ASIC2: variants seen among roughly 807,000 people sequenced by gnomAD.
The protein encoded by ASIC2 is acid-sensing ion channel 2.
Under a neutral mutation model 57.3 loss-of-function variants are expected in ASIC2, and 25 were observed. That is an observed-to-expected ratio of 0.44 (90% CI 0.32 to 0.61). The LOEUF (loss-of-function observed/expected upper bound fraction) is 0.61, where lower values mean the gene tolerates loss of function less well. Among genes scored for constraint, ASIC2 ranks in the 20% least tolerant of loss-of-function variants. The pLI is 0.06. For missense variants in ASIC2, 641 were observed against 738.1 expected (o/e 0.87, Z 1.52); for synonymous variants, 319 against 307.5 (o/e 1.04, Z -0.39).
rs192133272 is a variant in ASIC2, at chr17:33,083,472, G to T, written c.987+5391C>A. On this transcript the variant is annotated intron_variant, in intron 3 of 9. Transcript: ENST00000225823. Reference sequence around the variant, plus strand: ...ATTTTTCCAGCACATTCAGTGCTCAGGGAATATTTGCTGAGGGAATAAATG... The same window carrying T: ...ATTTTTCCAGCACATTCAGTGCTCATGGAATATTTGCTGAGGGAATAAATG... 3.7e-3 allele frequency among the ~76,000 whole-genome samples: 559 copies of T among 152,332 alleles called. 6 individuals are homozygous for T. The highest frequency in any genetic ancestry group is 0.013 in the African/African-American group (544 of 41,576).
chr17:33,444,224 A>G (rs1320614018), intron 1 of ASIC2, among the ~76,000 whole-genome samples: 1 of 152,228 alleles, frequency 6.6e-6, no homozygotes, highest in Admixed American at 6.5e-5. Flanking sequence ...TACAGCCGAA[A>G]GTTCTCTCGG....
intron 1 of ASIC2, among the ~76,000 whole-genome samples, chr17:33,922,431 A>C (rs2141965835): frequency 6.6e-6 from 1 of 152,288 alleles, no homozygotes; most frequent in Non-Finnish European, 1.5e-5. Context: ...CCCCTGGCAA[A>C]TCCTATTTGT....
At chr17:33,877,295 G>A (rs568179325) in intron 1 of ASIC2, among the ~76,000 whole-genome samples, 25 of 152,182 alleles carry the variant, frequency 1.6e-4, no homozygotes, top group African/African-American at 3.1e-4. Flanking sequence ...GCAGCACACC[G>A]AGCATGAGCC....
intron 1 of ASIC2, among the ~76,000 whole-genome samples, chr17:33,708,302 A>G (rs1165717558): frequency 6.6e-6 from 1 of 152,140 alleles, no homozygotes; most frequent in Non-Finnish European, 1.5e-5. Context: ...TGGGCATTTT[A>G]TTTTGGCTTT....
intron 1 of ASIC2, among the ~76,000 whole-genome samples, chr17:33,495,218 C>T (rs930463163): frequency 1.3e-5 from 2 of 152,108 alleles, no homozygotes; most frequent in African/African-American, 2.4e-5. Context: ...TAGCTTGGTC[C>T]CTAGTTCTGT....
chr17:33,365,473 CT>C (rs1567837073), intron 1 of ASIC2, among the ~76,000 whole-genome samples: 1 of 151,986 alleles, frequency 6.6e-6, no homozygotes, highest in Non-Finnish European at 1.5e-5. Context: ...ATAAATCTCA[CT>C]TTAGAAGATT....
At chr17:33,126,270 C>G (rs1314570941) in intron 1 of ASIC2, among the ~76,000 whole-genome samples, 1 of 152,234 alleles carries the variant, frequency 6.6e-6, no homozygotes, top group Non-Finnish European at 1.5e-5. Context: ...TCTATGGGGC[C>G]TGAGTCATGT....
At chr17:33,476,120 G>A (rs929271164) in intron 1 of ASIC2, among the ~76,000 whole-genome samples, 1 of 152,126 alleles carries the variant, frequency 6.6e-6, no homozygotes, top group African/African-American at 2.4e-5. Flanking sequence ...TAAGTATGTG[G>A]CACAGAACAC....
intron 1 of ASIC2, among the ~76,000 whole-genome samples, chr17:34,022,793 T>C (rs1262914084): frequency 1.3e-5 from 2 of 152,210 alleles, no homozygotes; most frequent in Non-Finnish European, 2.9e-5. Flanking sequence ...CCCTCATAGC[T>C]TTCCTGCAGC....
intron 1 of ASIC2, among the ~76,000 whole-genome samples, chr17:33,945,311 A>AT (rs56329459): frequency 0.018 from 2,581 of 146,410 alleles, 50 homozygotes; most frequent in East Asian, 0.09. Flanking sequence ...GGGCTTGCCC[A>AT]TTTTTTTTTT....
At chr17:33,656,175 C>A (rs1277147026) in intron 1 of ASIC2, among the ~76,000 whole-genome samples, 1 of 150,362 alleles carries the variant, frequency 6.7e-6, no homozygotes, top group Non-Finnish European at 1.5e-5. Flanking sequence ...GGGATTATAG[C>A]AAAAAAACAA....
chr17:34,068,132 A>T (rs73986830), intron 1 of ASIC2, among the ~76,000 whole-genome samples: 4,153 of 152,310 alleles, frequency 0.027, 192 homozygotes, highest in African/African-American at 0.094. Context: ...ACTCTAGCCC[A>T]AATCGGGTAG....
chr17:33,647,659 CAT>C (rs760651535), intron 1 of ASIC2, among the ~76,000 whole-genome samples: 45 of 152,272 alleles, frequency 3.0e-4, no homozygotes, highest in Admixed American at 6.5e-4. Context: ...TATCTGTGCT[CAT>C]GTGTATAAAT....
chr17:34,025,795 C>T (rs988717788), intron 1 of ASIC2, among the ~76,000 whole-genome samples: 1 of 152,158 alleles, frequency 6.6e-6, no homozygotes, highest in Non-Finnish European at 1.5e-5. Context: ...AAATACTGCC[C>T]TCATGCATCA....
intron 1 of ASIC2, among the ~76,000 whole-genome samples, chr17:33,996,176 T>C (rs866818341): frequency 2.0e-5 from 3 of 152,206 alleles, no homozygotes; most frequent in African/African-American, 7.2e-5. Flanking sequence ...ATTTAGTTTC[T>C]ATGACCATTT....
At chr17:33,126,883 C>CG in intron 1 of ASIC2, among the ~76,000 whole-genome samples, 1 of 63,750 alleles carries the variant, frequency 1.6e-5, no homozygotes, top group African/African-American at 8.2e-5. Context: ...TTTTTTGAGA[C>CG]GGAGTCTCGC....
chr17:33,701,228 G>T (rs986237211), intron 1 of ASIC2, among the ~76,000 whole-genome samples: 9 of 152,170 alleles, frequency 5.9e-5, no homozygotes, highest in Non-Finnish European at 8.8e-5. Flanking sequence ...GAAGTATGTT[G>T]TGTGTGGTGG....
intron 1 of ASIC2, among the ~76,000 whole-genome samples, chr17:33,629,707 A>T (rs1906099860): frequency 6.6e-6 from 1 of 152,142 alleles, no homozygotes; most frequent in Non-Finnish European, 1.5e-5. Flanking sequence ...AAAAAACTGG[A>T]ATCAGTGCCT....
At chr17:33,470,167 G>A (rs1913001012) in intron 1 of ASIC2, among the ~76,000 whole-genome samples, 1 of 152,198 alleles carries the variant, frequency 6.6e-6, no homozygotes, top group Admixed American at 6.5e-5. Context: ...ATGTAGGAGA[G>A]TTGTAATTGA....
Sources: allele counts gnomAD v4.1 joint callset (sites outside exome capture counted in the v4.1 genomes callset), GRCh38; gene constraint gnomAD v4.1.1; transcripts MANE v1.5; gene names NCBI Gene and HGNC (gene_info 2026-07-23, HGNC 2026-07-21).